Variants in MICALL2 observed in about 807,000 individuals in gnomAD.
MICALL2 encodes MICAL like 2.
In MICALL2, 111 loss-of-function variants were observed where a neutral mutation model predicts 91.1. The ratio of observed to expected loss-of-function variants is 1.22; its 90% CI spans 1.04 to 1.43. MICALL2 has a LOEUF of 1.43. MICALL2 is among the 40% of genes most tolerant of loss of function. MICALL2 has a pLI of 0.00. For missense variants in MICALL2, 1,556 were observed against 1,236.0 expected (o/e 1.26, Z -3.88); for synonymous variants, 694 against 525.3 (o/e 1.32, Z -4.39).
chr7:1,434,378 T>C lies in MICALL2; in HGVS notation c.*218A>G, dbSNP rs1490124413. On this transcript the variant is annotated 3_prime_UTR_variant, in exon 17 of 17. Coordinates refer to ENST00000297508, the MANE Select transcript of MICALL2 (RefSeq NM_182924.4). ...TAGGAGTCCGGGGCCATGTGGTCGG[T>C]TTCTTTATTGAGACCACAGACGGTA... The C allele has an allele frequency of 1.0e-5, 7 of 669,700 alleles. No individual in the cohort carries two copies. In the Admixed American group the frequency reaches 1.5e-4, roughly 14 times the overall value. The allele number at this position is 669,700 out of a possible 1,614,324, so 41.5% of individuals were successfully genotyped here.
intron 16 of MICALL2, 117 bp downstream of exon 16, chr7:1,434,984 C>CGGGGGGGGG: frequency 2.2e-6 from 1 of 449,088 alleles, no homozygotes; most frequent in Non-Finnish European, 3.9e-6. Context: ...ACCCGATACC[C>CGGGGGGGGG]GCCCCCCCCC....
In MICALL2 at chr7:1,437,588, T is replaced by A; in HGVS notation, c.2423A>T (p.Glu808Val). 1 of 1,538,358 alleles carries A rather than the reference T, an allele frequency of 6.5e-7. No homozygotes were observed. The highest frequency in any genetic ancestry group is 8.7e-7 in the Non-Finnish European group (1 of 1,146,090). ...LMYKSKAQRLEEQQLDIEGEL... is the reference protein window; with the variant it reads ...LMYKSKAQRLVEQQLDIEGEL... ...GCCCTCGATGTCCAGCTGCTGCTCCTCCAGACGCTGGGCCTTGGACCTGCC... is the reference window on the plus strand; with the variant it reads ...GCCCTCGATGTCCAGCTGCTGCTCCACCAGACGCTGGGCCTTGGACCTGCC... Residue 808 changes from glutamate to valine, a missense_variant, in exon 14 of 17, where the codon GAG becomes GTG. Physicochemically the swap from Glu to Val is moderately radical, Grantham distance 121 (BLOSUM62 -2). Transcript: ENST00000297508.
rs1405518843 is a variant in MICALL2, at chr7:1,459,177, G to A, written c.143+7C>T. Reference sequence around the variant, plus strand: ...AGAAGAATCAAAGGGCGCCAGGCAGGACTTACATGAGGTCGGGCCGGTGGC... The same window carrying A: ...AGAAGAATCAAAGGGCGCCAGGCAGAACTTACATGAGGTCGGGCCGGTGGC... On this transcript the variant is annotated splice_region_variant and intron_variant, in intron 1 of 16. Coordinates refer to ENST00000297508, the MANE Select transcript of MICALL2 (RefSeq NM_182924.4). The A allele has an allele frequency of 1.2e-6, 2 of 1,607,190 alleles. No individual in the cohort carries two copies. The highest frequency in any genetic ancestry group is 2.7e-5 in the African/African-American group (2 of 74,514).
At chr7:1,445,453 C>T in intron 5 of MICALL2, 25 bp from the exon 6 acceptor site, 2 of 1,483,638 alleles carry the variant, frequency 1.3e-6, no homozygotes, top group Non-Finnish European at 1.8e-6. Context: ...GCACAGGAGC[C>T]CCAGCTCGGC....
intron 6 of MICALL2, 67 bp from the exon 7 acceptor site, chr7:1,442,551 C>T (rs1584211995): frequency 2.3e-5 from 33 of 1,440,760 alleles, no homozygotes; most frequent in Middle Eastern, 1.9e-4. Flanking sequence ...CACCCGAGGC[C>T]GCCCCTCTGC....
At chr7:1,437,750 C>A (rs1297290259) in intron 13 of MICALL2, 140 bp downstream of exon 13, 4 of 1,228,242 alleles carry the variant, frequency 3.3e-6, no homozygotes, top group Non-Finnish European at 4.6e-6. Context: ...GCCTGGCCCA[C>A]CCAGACCGCA....
Position 1,451,515 on chromosome 7 carries a change from AT to A in MICALL2, c.144-1228del, listed in dbSNP as rs1186158414. 6.6e-6 allele frequency among the ~76,000 whole-genome samples: 1 copy of A among 152,178 alleles called. No individual in the cohort carries two copies. Among genetic ancestry groups the A allele is most frequent in the Non-Finnish European group, 1.5e-5 (1 of 68,026 alleles). Reference sequence around the variant, plus strand: ...GACCCCGTCTCAGAAAAACAAAAATATAGTGATCGTGACCCGTCTGTCCACG... The same window carrying A: ...GACCCCGTCTCAGAAAAACAAAAATAAGTGATCGTGACCCGTCTGTCCACG... On this transcript the variant is annotated intron_variant, in intron 1 of 16. Coordinates refer to ENST00000297508, the MANE Select transcript of MICALL2 (RefSeq NM_182924.4). The surrounding 1 kb of genome is among the most constrained non-coding windows in gnomAD (Gnocchi z 4.5).
chr7:1,445,428 C>T lies in MICALL2; in HGVS notation c.642G>A (p.Arg214=). ...DGRLYHRSCF[R]CKQCSCTLHS... ...GCAGCGTGCAGGAGCACTGCTTACA[C>T]CTGGGGGAGGAAAGGCACAGGAGCC... Residue 214 remains arginine (R), a splice_region_variant and synonymous_variant, in exon 6 of 17, where the codon AGG becomes AGA. Transcript: ENST00000297508. 1.3e-6 allele frequency: 2 copies of T among 1,529,466 alleles called. No individual in the cohort carries two copies. The highest frequency in any genetic ancestry group is 1.2e-5 in the South Asian group (1 of 83,694). 94.7% of individuals were successfully genotyped at this position (1,529,466 alleles called of 1,614,324 possible). A position where few individuals can be genotyped will look rare whatever the true frequency, so the allele number is the denominator to read the frequency against.
In MICALL2 at chr7:1,445,047, G is replaced by T. The variant is rs185321945; in HGVS notation, c.1023C>A (p.Thr341=). Residue 341 remains threonine (T), a synonymous_variant, in exon 6 of 17, where the codon ACC becomes ACA. Transcript: ENST00000297508. The stretch of plus-strand genomic sequence containing the variant: ...ACGACCAGCCCATCGGGGAGCTATT[G>T]GTCACACGAGGGCGGACTTTCCCCT... ...PTEGKVRPRV[T]NSSPMGWSSA... 922 of 1,542,534 alleles carry T rather than the reference G, an allele frequency of 6.0e-4. 8 individuals are homozygous for T. In the East Asian group the frequency reaches 0.017, roughly 29 times the overall value.
At chr7:1,442,166 C>G in intron 7 of MICALL2, 26 bp downstream of exon 7, 2 of 1,609,176 alleles carry the variant, frequency 1.2e-6, no homozygotes, top group Non-Finnish European at 8.5e-7. Flanking sequence ...CCCCCGGGGC[C>G]TCCTGCCTCC....
At chr7:1,438,585 G>A (rs1360835332) in intron 10 of MICALL2, 1 of 1,421,666 alleles carries the variant, frequency 7.0e-7, no homozygotes, top group Non-Finnish European at 9.2e-7. Flanking sequence ...CAACACCCCA[G>A]CCACCCCAGT....
chr7:1,437,220 C>G (rs1362077688), intron 14 of MICALL2: 1 of 505,144 alleles, frequency 2.0e-6, no homozygotes, highest in Non-Finnish European at 3.5e-6. Context: ...GCCTATGGCT[C>G]GCCCTGACTG....
At chr7:1,439,655 C>A in intron 9 of MICALL2, 1 of 383,820 alleles carries the variant, frequency 2.6e-6, no homozygotes, top group Non-Finnish European at 4.6e-6. Flanking sequence ...CGTGCACATG[C>A]ATCACACACA....
chr7:1,443,736 A>G (rs1000301533), intron 6 of MICALL2, among the ~76,000 whole-genome samples: 4 of 152,136 alleles, frequency 2.6e-5, no homozygotes, highest in Admixed American at 6.5e-5. Context: ...TGGAAGAGAC[A>G]AGGACAGGTC....
At position 1,450,259 on chromosome 7, in the gene MICALL2, A is replaced by G. The variant is rs777288037; in HGVS notation, c.173T>C (p.Ile58Thr). 2.5e-6 allele frequency: 4 copies of G among 1,612,868 alleles called. No homozygotes were observed. The East Asian group carries it at 6.7e-5, about 27-fold the overall frequency. The change falls in exon 2 of 17, where the codon ATT becomes ACT. Residue 58 changes from isoleucine (I) to threonine (T), a missense_variant. Transcript: ENST00000297508. ...INFSALKKEN[I>T]YENNKLAFRV... is the part of the protein sequence containing the mutation. ...ACTCACCAGTTTATTGTTTTCATAA[A>G]TATTTTCCTTCTTGAGAGCACTGAA...
chr7:1,453,529 G>T (rs894920491), intron 1 of MICALL2, among the ~76,000 whole-genome samples: 1 of 152,104 alleles, frequency 6.6e-6, no homozygotes, highest in African/African-American at 2.4e-5. Flanking sequence ...CCCGTTTGGG[G>T]GACCTTGCAA....
intron 1 of MICALL2, among the ~76,000 whole-genome samples, chr7:1,454,376 G>T (rs909651050): frequency 1.3e-5 from 2 of 151,994 alleles, no homozygotes; most frequent in Non-Finnish European, 2.9e-5. Context: ...GGCACAGTCG[G>T]GATGGCAGAG....
rs1388229199 is a variant in MICALL2, at chr7:1,444,631, C to T, written c.1418+21G>A. On this transcript the variant is annotated intron_variant, in intron 6 of 16. Coordinates refer to ENST00000297508, the MANE Select transcript of MICALL2 (RefSeq NM_182924.4). ...GTGCAAAGAGGCCATACCCGGGGTCCCTCGGTCCCCACGCGCTCACCTGCC... is the reference window on the plus strand; with the variant it reads ...GTGCAAAGAGGCCATACCCGGGGTCTCTCGGTCCCCACGCGCTCACCTGCC... 5.6e-6 allele frequency: 9 copies of T among 1,599,894 alleles called. No individual in the cohort carries two copies. In the African/African-American group the frequency reaches 6.7e-5, roughly 12 times the overall value.
chr7:1,442,146 G>C, intron 7 of MICALL2, 46 bp downstream of exon 7: 2 of 1,599,848 alleles, frequency 1.3e-6, no homozygotes, highest in East Asian at 2.2e-5. Context: ...GAGAGTCCCA[G>C]AGCTGCGGGC....
Sources: gnomAD v4.1 joint callset for allele counts (sites outside exome capture counted in the v4.1 genomes callset) on GRCh38, gnomAD v4.1.1 for gene constraint, Gnocchi (gnomAD v3.1) non-coding constraint, MANE v1.5 for transcripts, NCBI Gene and HGNC (gene_info 2026-07-23, HGNC 2026-07-21) for gene names.